The following PTPRK variants were observed in gnomAD, a reference collection of about 807,000 sequenced individuals.
PTPRK encodes protein tyrosine phosphatase receptor type K.
PTPRK carries 75 observed loss-of-function variants against 178.0 expected under a neutral mutation model. The ratio of observed to expected loss-of-function variants is 0.42; its 90% CI spans 0.35 to 0.51. The LOEUF (loss-of-function observed/expected upper bound fraction) is 0.51, where lower values mean the gene tolerates loss of function less well. PTPRK is among the 20% of genes least tolerant of loss of function. The probability of loss-of-function intolerance (pLI) is 0.02; values close to 1 mark genes in which losing one functional copy is unlikely to be tolerated. For missense variants in PTPRK, 1,441 were observed against 1,797.8 expected (o/e 0.80, Z 3.59); for synonymous variants, 637 against 620.6 (o/e 1.03, Z -0.39).
intron 2 of PTPRK, among the ~76,000 whole-genome samples, chr6:128,335,590 T>A (rs775714940): frequency 1.3e-5 from 2 of 151,852 alleles, no homozygotes; most frequent in Non-Finnish European, 1.5e-5. Context: ...AACAGGGTGG[T>A]AGAGAAAATA....
At chr6:128,467,546 G>A (rs1020960933) in intron 1 of PTPRK, among the ~76,000 whole-genome samples, 1 of 152,126 alleles carries the variant, frequency 6.6e-6, no homozygotes, top group African/African-American at 2.4e-5. Context: ...TATCACCAAC[G>A]CGAAGCATGT....
chr6:128,302,812 T>C (rs1183935659), intron 3 of PTPRK, among the ~76,000 whole-genome samples: 5 of 152,154 alleles, frequency 3.3e-5, no homozygotes, highest in Non-Finnish European at 7.4e-5. Flanking sequence ...CTTCTGTCAG[T>C]ATCTTTATGC....
intron 7 of PTPRK, among the ~76,000 whole-genome samples, chr6:128,172,781 A>C (rs1284980667): frequency 1.3e-5 from 2 of 151,882 alleles, no homozygotes; most frequent in East Asian, 1.9e-4. Context: ...ATGTGTGTAC[A>C]TACGTGTGTA....
chr6:128,062,110 C>T (rs539757653), intron 13 of PTPRK: 6 of 152,626 alleles, frequency 3.9e-5, no homozygotes, highest in African/African-American at 1.4e-4. Flanking sequence ...AATTTCACAC[C>T]AAAGCTGACC....
intron 1 of PTPRK, among the ~76,000 whole-genome samples, chr6:128,482,748 TCTA>T (rs1220470175): frequency 6.6e-6 from 1 of 152,172 alleles, no homozygotes; most frequent in Non-Finnish European, 1.5e-5. Flanking sequence ...AATTCCCTCT[TCTA>T]CTGTTTGCAA....
chr6:128,273,050 T>A (rs928833594), intron 3 of PTPRK, among the ~76,000 whole-genome samples: 2 of 152,176 alleles, frequency 1.3e-5, no homozygotes, highest in Non-Finnish European at 2.9e-5. Context: ...TGAGTTCATG[T>A]CCTTTGTAGG....
intron 3 of PTPRK, chr6:128,321,523 T>C (rs1828787104): frequency 2.7e-6 from 1 of 364,404 alleles, no homozygotes; most frequent in African/African-American, 2.1e-5. Context: ...ATTTAATTTA[T>C]TCAATTAATT....
At position 128,405,272 on chromosome 6, in the gene PTPRK, C is replaced by A. The variant is rs185474459; in HGVS notation, c.101-7584G>T. ...CCTTCCCTTTTCACCTCACCTCCCCCTAAAGCATGTATAAACCAGTGAATT... is the reference window on the plus strand; with the variant it reads ...CCTTCCCTTTTCACCTCACCTCCCCATAAAGCATGTATAAACCAGTGAATT... On this transcript the variant is annotated intron_variant, in intron 1 of 29. Transcript: ENST00000368226. Among the ~76,000 whole-genome samples, 16 of 152,290 alleles carry A rather than the reference C, an allele frequency of 1.1e-4. No homozygotes were observed. The East Asian group carries it at 1.5e-3, about 15-fold the overall frequency.
At chr6:128,232,063 A>G (rs1187334288) in intron 5 of PTPRK, 3 of 152,220 alleles carry the variant, frequency 2.0e-5, no homozygotes, top group Non-Finnish European at 4.4e-5. Context: ...GTGGTCTAGT[A>G]CCAACTTTTC....
chr6:128,306,157 G>A lies in PTPRK; in HGVS notation c.495+15882C>T, dbSNP rs189359163. Among the ~76,000 whole-genome samples, 49 of 152,300 alleles carry A rather than the reference G, an allele frequency of 3.2e-4. 1 individual carries two copies. In the East Asian group the frequency reaches 8.7e-3, roughly 27 times the overall value. On this transcript the variant is annotated intron_variant, in intron 3 of 29. Transcript: ENST00000368226. ...GATTATGGGGATTACGATTCAAGAT[G>A]AGAATTGGGTGGTGACACAGAGCCT...
At chr6:128,105,618 C>T (rs906216786) in intron 7 of PTPRK, among the ~76,000 whole-genome samples, 1 of 152,166 alleles carries the variant, frequency 6.6e-6, no homozygotes, top group East Asian at 1.9e-4. Flanking sequence ...ACTTTCATAG[C>T]ATAGGAAGAA....
chr6:128,411,488 T>C (rs1842304510), intron 1 of PTPRK, among the ~76,000 whole-genome samples: 1 of 152,198 alleles, frequency 6.6e-6, no homozygotes, highest in Admixed American at 6.5e-5. Context: ...GCAGTTTTAC[T>C]TCAGTTCAAT....
At chr6:128,037,704 T>C (rs1776455793) in intron 13 of PTPRK, among the ~76,000 whole-genome samples, 1 of 152,164 alleles carries the variant, frequency 6.6e-6, no homozygotes, top group Non-Finnish European at 1.5e-5. Flanking sequence ...TGTCAGTAAA[T>C]AAATTTTGTG....
chr6:128,105,012 T>A (rs1789442052), intron 7 of PTPRK, among the ~76,000 whole-genome samples: 2 of 152,218 alleles, frequency 1.3e-5, no homozygotes, highest in Admixed American at 1.3e-4. Flanking sequence ...CAAACTAGTT[T>A]AATGATATTC....
intron 7 of PTPRK, among the ~76,000 whole-genome samples, chr6:128,166,395 C>A (rs2114625610): frequency 6.6e-6 from 1 of 151,698 alleles, no homozygotes; most frequent in Non-Finnish European, 1.5e-5. Context: ...GCTGTGTGAT[C>A]TCAGGAAAGG....
intron 5 of PTPRK, among the ~76,000 whole-genome samples, chr6:128,230,071 A>T (rs2128278534): frequency 6.6e-6 from 1 of 152,344 alleles, no homozygotes; most frequent in Non-Finnish European, 1.5e-5. Flanking sequence ...AAGAAAGATG[A>T]CACATTTTGT....
intron 3 of PTPRK, among the ~76,000 whole-genome samples, chr6:128,290,199 C>G (rs947072567): frequency 1.3e-5 from 2 of 151,988 alleles, no homozygotes; most frequent in Admixed American, 1.3e-4. Flanking sequence ...AATAACAGTG[C>G]TTTTGAGGGT....
intron 1 of PTPRK, among the ~76,000 whole-genome samples, chr6:128,486,583 T>C (rs549334618): frequency 2.0e-5 from 3 of 152,228 alleles, no homozygotes; most frequent in South Asian, 4.1e-4. Context: ...ACTGAAGGAT[T>C]GCTTGAACTC....
At chr6:128,183,286 G>A (rs548527359) in intron 7 of PTPRK, among the ~76,000 whole-genome samples, 1 of 152,048 alleles carries the variant, frequency 6.6e-6, no homozygotes, top group Non-Finnish European at 1.5e-5. Context: ...ACATGACCTC[G>A]ATTGAAAGGA....
Sources: allele counts gnomAD v4.1 joint callset (sites outside exome capture counted in the v4.1 genomes callset), GRCh38; gene constraint gnomAD v4.1.1; transcripts MANE v1.5; gene names NCBI Gene and HGNC (gene_info 2026-07-23, HGNC 2026-07-21).